Variants in NME9 observed in about 807,000 individuals in gnomAD.
NME9 encodes the protein NME/NM23 family member 9.
NME9 carries 48 observed loss-of-function variants against 44.4 expected under a neutral mutation model. The ratio of observed to expected loss-of-function variants is 1.08; its 90% CI spans 0.86 to 1.37. NME9 has a LOEUF of 1.37. NME9 is among the 40% of genes most tolerant of loss of function. The pLI, the probability that NME9 is intolerant of heterozygous loss-of-function variation, is 0.00. For missense variants in NME9, 325 were observed against 405.2 expected (o/e 0.80, Z 1.70); for synonymous variants, 139 against 147.1 (o/e 0.94, Z 0.40).
intron 8 of NME9, chr3:138,263,446 C>T (rs928090690): frequency 2.7e-5 from 9 of 332,154 alleles, no homozygotes; most frequent in Non-Finnish European, 5.1e-5. Context: ...AGATTATTTA[C>T]ATAACACCTC....
In NME9 at chr3:138,319,555, CA is replaced by C. The variant is rs1315228994; in HGVS notation, c.117del (p.Cys39TrpfsTer8). The C allele has an allele frequency of 6.2e-7, 1 of 1,612,826 alleles. No individual in the cohort carries two copies. Among genetic ancestry groups the C allele is most frequent in the African/African-American group, 1.3e-5 (1 of 74,880 alleles). On this transcript the variant is annotated frameshift_variant, in exon 3 of 11. Transcript: ENST00000333911. LOFTEE classifies it high-confidence loss of function. The part of the protein sequence containing the change: ...LTVVDVYQGW[C>X]GPCKPVVSLF... Reference sequence around the variant, plus strand: ...AGGCTCACCACAGGTTTGCAGGGGCCACACCAGCCTTGATAGACATCAACAA... The same window carrying C: ...AGGCTCACCACAGGTTTGCAGGGGCCCACCAGCCTTGATAGACATCAACAA...
rs2051820136 is a variant in NME9 at position 138,301,169 on chromosome 3, G to A, written c.*471C>T. The A allele has an allele frequency of 1.1e-6, 1 of 926,262 alleles. No homozygotes were observed. The highest frequency in any genetic ancestry group is 6.2e-5 in the Admixed American group (1 of 16,122). 57.4% of individuals were successfully genotyped at this position (926,262 alleles called of 1,614,324 possible). ...TGCGTTCTACATACTGTTTAATAAGGCAGAAAAGTATATACTATTCTCTTT... is the reference window on the plus strand; with the variant it reads ...TGCGTTCTACATACTGTTTAATAAGACAGAAAAGTATATACTATTCTCTTT... On this transcript the variant is annotated 3_prime_UTR_variant, in exon 11 of 11. Transcript: ENST00000333911.
At chr3:138,262,634 C>A (rs1576827221) in intron 8 of NME9, 3 of 1,515,198 alleles carry the variant, frequency 2.0e-6, no homozygotes, top group East Asian at 4.6e-5. Flanking sequence ...TAGCCCTGAC[C>A]CTGGAGAATC....
chr3:138,284,316 G>A (rs766533735), intron 8 of NME9: 26 of 733,896 alleles, frequency 3.5e-5, no homozygotes, highest in Middle Eastern at 4.8e-4. Context: ...GGCATTGAGA[G>A]TGGAACCTGT....
chr3:138,312,284 G>A (rs1267585720), intron 6 of NME9, among the ~76,000 whole-genome samples: 1 of 152,026 alleles, frequency 6.6e-6, no homozygotes, highest in African/African-American at 2.4e-5. Context: ...AATTTATATG[G>A]AACCACAAAA....
chr3:138,262,642 A>G, intron 8 of NME9: 1 of 1,497,232 alleles, frequency 6.7e-7, no homozygotes, highest in Non-Finnish European at 8.9e-7. Flanking sequence ...ACCCTGGAGA[A>G]TCTAATTTAA....
chr3:138,264,268 G>A (rs2048034672), intron 8 of NME9: 5 of 1,396,882 alleles, frequency 3.6e-6, no homozygotes, highest in Non-Finnish European at 5.1e-6. Context: ...AGAGTGAGCT[G>A]AGCTAGCTAA....
chr3:138,302,922 C>T (rs1294387460), intron 10 of NME9, among the ~76,000 whole-genome samples: 1 of 152,228 alleles, frequency 6.6e-6, no homozygotes, highest in Non-Finnish European at 1.5e-5. Context: ...ACATGGGCTC[C>T]GGACCCCTTG....
At chr3:138,274,072 C>T (rs980851991) in intron 8 of NME9, among the ~76,000 whole-genome samples, 8 of 152,026 alleles carry the variant, frequency 5.3e-5, no homozygotes, top group Admixed American at 3.3e-4. Flanking sequence ...CCCACCTCGG[C>T]CCCCCAAAGT....
At chr3:138,305,215 T>C (rs1434959711) in intron 8 of NME9, among the ~76,000 whole-genome samples, 188 bp from the exon 9 acceptor site, 1 of 152,022 alleles carries the variant, frequency 6.6e-6, no homozygotes, top group Non-Finnish European at 1.5e-5. Flanking sequence ...CTGTGGAGGG[T>C]GTCAGGGATG....
intron 9 of NME9, among the ~76,000 whole-genome samples, chr3:138,303,889 C>T (rs1474149113): frequency 2.0e-5 from 3 of 152,178 alleles, no homozygotes; most frequent in Non-Finnish European, 4.4e-5. Flanking sequence ...TTCGCCACAG[C>T]TCTATGAGGG....
At chr3:138,292,007 C>T (rs2050994530) in intron 8 of NME9, among the ~76,000 whole-genome samples, 1 of 151,982 alleles carries the variant, frequency 6.6e-6, no homozygotes, top group African/African-American at 2.4e-5. Context: ...GATTTGAATT[C>T]CTTTTTTCCT....
Position 138,324,910 on chromosome 3 carries a change from C to T in NME9, c.54G>A (p.Glu18=), listed in dbSNP as rs1418276954. The T allele has an allele frequency of 1.9e-6, 3 of 1,613,736 alleles. No homozygotes were observed. The African/African-American group carries it at 4.0e-5, about 22-fold the overall frequency. Residue 18 remains glutamate (E), a synonymous_variant, in exon 2 of 11, where the codon GAG becomes GAA. Coordinates refer to ENST00000333911, the MANE Select transcript of NME9 (RefSeq NM_001349018.2). The part of the protein sequence containing the change: ...IALQVNISTQ[E]LWEEMLSSKG... ...TGGAACTGAGCATTTCCTCCCAAAG[C>T]TCTTGGGTGCTGATGTTGACCTAAA...
intron 6 of NME9, among the ~76,000 whole-genome samples, chr3:138,309,167 A>T (rs1255261748): frequency 6.6e-6 from 1 of 152,002 alleles, no homozygotes; most frequent in African/African-American, 2.4e-5. Flanking sequence ...GTGGTGGCAC[A>T]TGCCTGTAAT....
intron 6 of NME9, among the ~76,000 whole-genome samples, chr3:138,310,406 G>A (rs1247149054): frequency 6.6e-6 from 1 of 150,948 alleles, no homozygotes; most frequent in Non-Finnish European, 1.5e-5. Flanking sequence ...CTGCATACTA[G>A]ACCAAACAGA....
At chr3:138,325,038 T>A in intron 1 of NME9, 108 bp from the exon 2 acceptor site, 2 of 885,500 alleles carry the variant, frequency 2.3e-6, no homozygotes, top group Non-Finnish European at 3.7e-6. Flanking sequence ...TACTTACAAG[T>A]ACAGTTCAAG....
intron 8 of NME9, among the ~76,000 whole-genome samples, chr3:138,269,424 G>A (rs2048571052): frequency 1.3e-5 from 2 of 152,044 alleles, no homozygotes; most frequent in African/African-American, 4.8e-5. Context: ...ACTAAAGCAT[G>A]GTATTTTAGA....
chr3:138,273,861 G>T (rs2049012172), intron 8 of NME9, among the ~76,000 whole-genome samples: 1 of 150,552 alleles, frequency 6.6e-6, no homozygotes, highest in Admixed American at 6.6e-5. Context: ...CTTTCCCCCA[G>T]GCTGGAGTGC....
At chr3:138,315,119 C>T (rs2052977580) in intron 5 of NME9, among the ~76,000 whole-genome samples, 1 of 152,058 alleles carries the variant, frequency 6.6e-6, no homozygotes, top group Non-Finnish European at 1.5e-5. Flanking sequence ...AGAAATGAGC[C>T]CTCTGAGTTC....
Sources: gnomAD v4.1 joint callset for allele counts (sites outside exome capture counted in the v4.1 genomes callset) on GRCh38, gnomAD v4.1.1 for gene constraint, MANE v1.5 for transcripts, NCBI Gene and HGNC (gene_info 2026-07-23, HGNC 2026-07-21) for gene names.